The following ZFPM1 variants were observed in gnomAD, a reference collection of about 807,000 sequenced individuals.
ZFPM1 encodes zinc finger protein, FOG family member 1.
Under a neutral mutation model 46.3 loss-of-function variants are expected in ZFPM1, and 28 were observed. The observed-to-expected ratio is 0.60, with a 90% CI of 0.45 to 0.83. ZFPM1 has a LOEUF of 0.83. Ranked by LOEUF, ZFPM1 falls within the 40% of genes least tolerant of loss-of-function variation. ZFPM1 has a pLI of 0.00. For missense variants in ZFPM1, 1,878 were observed against 1,432.4 expected (o/e 1.31, Z -5.02); for synonymous variants, 957 against 675.9 (o/e 1.42, Z -6.45).
chr16:88,495,206 G>C (rs963923111), intron 3 of ZFPM1, among the ~76,000 whole-genome samples: 3 of 152,248 alleles, frequency 2.0e-5, no homozygotes, highest in Middle Eastern at 3.2e-3. Flanking sequence ...TCCTGGGCTG[G>C]CCCATTTCAC....
At chr16:88,527,254 G>A (rs1912412380) in intron 5 of ZFPM1, among the ~76,000 whole-genome samples, 1 of 152,230 alleles carries the variant, frequency 6.6e-6, no homozygotes. Context: ...ACCAAGGGCA[G>A]CAGCAGGGAC....
chr16:88,478,002 G>A lies in ZFPM1; in HGVS notation c.41-7937G>A, dbSNP rs117920019. On this transcript the variant is annotated intron_variant, in intron 1 of 9. Coordinates refer to ENST00000319555, the MANE Select transcript of ZFPM1 (RefSeq NM_153813.3). ...GGGAGAACAGACCTGGGGGTGGGTG[G>A]GTCTGGGACTCAGAAGAGGCACGAG... Among the ~76,000 whole-genome samples the A allele has an allele frequency of 1.4e-4, 21 of 152,228 alleles. No individual in the cohort carries two copies. In the East Asian group the frequency reaches 4.1e-3, roughly 30 times the overall value.
intron 3 of ZFPM1, among the ~76,000 whole-genome samples, chr16:88,490,309 C>T (rs1292734942): frequency 6.6e-6 from 1 of 152,224 alleles, no homozygotes; most frequent in African/African-American, 2.4e-5. Context: ...GCCTCGGCCT[C>T]CCAAAGTGCT....
chr16:88,496,730 C>T (rs939841573), intron 3 of ZFPM1, among the ~76,000 whole-genome samples: 16 of 152,124 alleles, frequency 1.1e-4, no homozygotes, highest in African/African-American at 3.9e-4. Flanking sequence ...CAGAGCACAC[C>T]AGCACTGGTC....
At position 88,532,024 on chromosome 16, in the gene ZFPM1, C is replaced by G; in HGVS notation, c.735C>G (p.Asp245Glu). The change falls in exon 7 of 10, where the codon GAC (aspartate) becomes GAG (glutamate). Residue 245 changes from aspartate to glutamate, a missense_variant. Asp to Glu is a conservative substitution (Grantham distance 45, BLOSUM62 2). Coordinates refer to ENST00000319555, the MANE Select transcript of ZFPM1 (RefSeq NM_153813.3). ...CAGAAGACGTCTTCCCCTGCAAGGA[C>G]TGTGGCATCTGGTACCGCAGCGAGC... is the stretch of plus-strand genomic sequence containing the variant. ...VINKDVFPCK[D>E]CGIWYRSERN... The G allele has an allele frequency of 6.2e-7, 1 of 1,609,146 alleles. No individual in the cohort carries two copies. The highest frequency in any genetic ancestry group is 2.2e-5 in the East Asian group (1 of 44,760).
chr16:88,464,240 C>T (rs563655457), intron 1 of ZFPM1, among the ~76,000 whole-genome samples: 52 of 152,300 alleles, frequency 3.4e-4, no homozygotes, highest in Admixed American at 1.0e-3. Context: ...GGGGCCGAGG[C>T]ATGTGAGCCG....
intron 3 of ZFPM1, among the ~76,000 whole-genome samples, chr16:88,510,535 T>C (rs1910898514): frequency 6.6e-6 from 1 of 152,226 alleles, no homozygotes; most frequent in Non-Finnish European, 1.5e-5. Context: ...CAGCACAGCG[T>C]GTTTGTTCTG....
At chr16:88,454,004 G>C (rs1907419100) in intron 1 of ZFPM1, among the ~76,000 whole-genome samples, 1 of 152,218 alleles carries the variant, frequency 6.6e-6, no homozygotes. Context: ...TGCGGCGATA[G>C]GGCGGCCCCG....
chr16:88,519,048 A>AGATGGATG (rs371844825), intron 4 of ZFPM1, among the ~76,000 whole-genome samples: 2,907 of 107,964 alleles, frequency 0.027, 111 homozygotes, highest in African/African-American at 0.078. Flanking sequence ...GTGGATGGAT[A>AGATGGATG]GATGGATGGA....
At chr16:88,486,078 G>A in intron 2 of ZFPM1, 35 bp downstream of exon 2, 3 of 1,584,038 alleles carry the variant, frequency 1.9e-6, no homozygotes, top group Non-Finnish European at 2.6e-6. Context: ...CGCGCCTCCA[G>A]CCGGGGCCTC....
intron 1 of ZFPM1, among the ~76,000 whole-genome samples, chr16:88,484,769 A>G (rs749062380): frequency 1.3e-5 from 2 of 152,102 alleles, no homozygotes; most frequent in Non-Finnish European, 2.9e-5. Flanking sequence ...ACCATCACCC[A>G]TCACCAGCCC....
intron 3 of ZFPM1, among the ~76,000 whole-genome samples, chr16:88,509,433 G>A (rs892087940): frequency 3.9e-5 from 6 of 152,218 alleles, no homozygotes; most frequent in Non-Finnish European, 8.8e-5. Context: ...TTGCACTCCC[G>A]AGACTACCAG....
At chr16:88,498,727 G>T (rs1218673642) in intron 3 of ZFPM1, among the ~76,000 whole-genome samples, 1 of 152,262 alleles carries the variant, frequency 6.6e-6, no homozygotes, top group African/African-American at 2.4e-5. Flanking sequence ...GATCGCAGGG[G>T]TGAGGCAGCA....
intron 2 of ZFPM1, 71 bp from the exon 3 acceptor site, chr16:88,488,960 C>G (rs1909398306): frequency 6.5e-7 from 1 of 1,546,344 alleles, no homozygotes; most frequent in Non-Finnish European, 8.7e-7. Flanking sequence ...CAGCATCCTT[C>G]CCAGCTACAG....
intron 3 of ZFPM1, among the ~76,000 whole-genome samples, chr16:88,505,319 C>A (rs1010322672): frequency 3.9e-5 from 6 of 152,178 alleles, no homozygotes; most frequent in African/African-American, 1.4e-4. Flanking sequence ...GGAGGCCAGT[C>A]CCTCCCCAGG....
Position 88,534,386 on chromosome 16 carries a change from G to T in ZFPM1, c.2428G>T (p.Ala810Ser), listed in dbSNP as rs1913106226. ...KPRRPLPGAP[A>S]PALADYHECT... is the part of the protein sequence containing the mutation. ...GCGGCGCCCGCTCCCCGGAGCCCCG[G>T]CACCGGCGCTGGCCGACTACCACGA... is the stretch of plus-strand genomic sequence containing the variant. The change falls in exon 10 of 10, where the codon GCA becomes TCA. Residue 810 changes from alanine (A) to serine (S), a missense_variant. Transcript: ENST00000319555. 1.4e-6 allele frequency: 2 copies of T among 1,462,440 alleles called. No homozygotes were observed. Among genetic ancestry groups the T allele is most frequent in the Admixed American group, 2.4e-5 (1 of 41,336 alleles). 90.6% of individuals were successfully genotyped at this position (1,462,440 alleles called of 1,614,324 possible).
intron 2 of ZFPM1, among the ~76,000 whole-genome samples, chr16:88,487,714 T>C (rs1308858595): frequency 1.3e-5 from 2 of 152,056 alleles, no homozygotes; most frequent in Non-Finnish European, 2.9e-5. Context: ...CCAGCAGGCC[T>C]CACCCCCATC....
intron 1 of ZFPM1, 65 bp from the exon 2 acceptor site, chr16:88,485,874 G>C: frequency 6.7e-7 from 1 of 1,500,280 alleles, no homozygotes; most frequent in Non-Finnish European, 9.2e-7. Flanking sequence ...ATGCCAGGAG[G>C]GGTCAGGAGG....
intron 3 of ZFPM1, among the ~76,000 whole-genome samples, chr16:88,495,980 C>T (rs923402938): frequency 6.6e-5 from 10 of 152,278 alleles, no homozygotes; most frequent in Admixed American, 2.6e-4. Flanking sequence ...CCACAGGCTC[C>T]GGGGCAGGCT....
Sources: gnomAD v4.1 joint callset for allele counts (sites outside exome capture counted in the v4.1 genomes callset) on GRCh38, gnomAD v4.1.1 for gene constraint, MANE v1.5 for transcripts, NCBI Gene and HGNC (gene_info 2026-07-23, HGNC 2026-07-21) for gene names.